USP10: variants seen among roughly 807,000 people sequenced by gnomAD.
USP10 encodes the protein ubiquitin specific peptidase 10, also known as ubiquitin carboxyl-terminal hydrolase 10.
Under a neutral mutation model 84.5 loss-of-function variants are expected in USP10, and 22 were observed. That is an observed-to-expected ratio of 0.26 (90% CI 0.19 to 0.37). The LOEUF is 0.37. USP10 is among the 10% of genes least tolerant of loss of function. USP10 has a pLI of 1.00. For missense variants in USP10, 1,019 were observed against 998.9 expected, an observed-to-expected ratio of 1.02 and a Z score of -0.27; for synonymous variants, 454 against 387.6, an observed-to-expected ratio of 1.17 and a Z score of -2.01.
At chr16:84,730,425 A>G (rs1230589543) in intron 1 of USP10, among the ~76,000 whole-genome samples, 2 of 152,206 alleles carry the variant, frequency 1.3e-5, no homozygotes, top group Non-Finnish European at 2.9e-5. Context: ...GAAATTATTG[A>G]CATGAAGTTA....
chr16:84,754,292 A>T (rs1333289947), intron 4 of USP10, among the ~76,000 whole-genome samples: 2 of 152,180 alleles, frequency 1.3e-5, no homozygotes, highest in African/African-American at 4.8e-5. Flanking sequence ...TTGCCACTAG[A>T]TAAAATTTTT....
intron 1 of USP10, among the ~76,000 whole-genome samples, chr16:84,707,045 C>T (rs1339370647): frequency 6.6e-6 from 1 of 152,172 alleles, no homozygotes; most frequent in African/African-American, 2.4e-5. Flanking sequence ...ATTATTATAA[C>T]CATTTTACAG....
In USP10 at chr16:84,763,965, G is replaced by T. The variant is rs1172232976; in HGVS notation, c.1655-121G>T. Reference sequence around the variant, plus strand: ...GCTCCTGTTGCGATTGGTTGCCGTGGCTCCTAATGTAGACCACACCCTGAT... The same window carrying T: ...GCTCCTGTTGCGATTGGTTGCCGTGTCTCCTAATGTAGACCACACCCTGAT... On this transcript the variant is annotated intron_variant, in intron 9 of 13. Coordinates refer to ENST00000219473, the MANE Select transcript of USP10 (RefSeq NM_005153.3). 3 of 1,272,094 alleles carry T rather than the reference G, an allele frequency of 2.4e-6. No individual in the cohort carries two copies. In the Admixed American group the frequency reaches 8.7e-5, roughly 37 times the overall value. 78.8% of individuals were successfully genotyped at this position (1,272,094 alleles called of 1,614,324 possible).
intron 13 of USP10, among the ~76,000 whole-genome samples, chr16:84,778,649 G>A (rs1388340461): frequency 3.9e-5 from 6 of 152,136 alleles, no homozygotes; most frequent in African/African-American, 7.2e-5. Context: ...GTTAATATGC[G>A]TACATGCACA....
chr16:84,778,083 G>A lies in USP10; in HGVS notation c.2210-812G>A, dbSNP rs147474129. 8.4e-4 allele frequency among the ~76,000 whole-genome samples: 124 copies of A among 148,372 alleles called. 1 individual carries two copies. The East Asian group carries it at 0.024, about 28-fold the overall frequency. On this transcript the variant is annotated intron_variant, in intron 13 of 13. Transcript: ENST00000219473. Reference sequence around the variant, plus strand: ...CTTGGTTATAGGATTTTTTTTTTAAGTAAATAACTGTGTGTGTGTGTGTGT... The same window carrying A: ...CTTGGTTATAGGATTTTTTTTTTAAATAAATAACTGTGTGTGTGTGTGTGT...
intron 2 of USP10, among the ~76,000 whole-genome samples, chr16:84,734,993 C>G (rs1030785898): frequency 5.9e-5 from 9 of 152,074 alleles, no homozygotes; most frequent in African/African-American, 2.2e-4. Context: ...TGTATAAACA[C>G]CACACGTTTT....
chr16:84,742,561 T>G (rs1437070282), intron 3 of USP10, among the ~76,000 whole-genome samples: 1 of 152,180 alleles, frequency 6.6e-6, no homozygotes, highest in Non-Finnish European at 1.5e-5. Flanking sequence ...GTGTTAGGAT[T>G]CGTGGTTTTA....
intron 1 of USP10, among the ~76,000 whole-genome samples, chr16:84,723,268 G>T (rs1445152851): frequency 6.6e-6 from 1 of 152,032 alleles, no homozygotes; most frequent in African/African-American, 2.4e-5. Context: ...GTCAAAATAG[G>T]TGTTCCTTTA....
At chr16:84,740,497 A>T (rs1465159443) in intron 3 of USP10, 128 bp downstream of exon 3, 3 of 742,124 alleles carry the variant, frequency 4.0e-6, no homozygotes, top group Non-Finnish European at 6.7e-6. Flanking sequence ...TTTGCTGTAA[A>T]CTGTAATGTA....
intron 1 of USP10, among the ~76,000 whole-genome samples, chr16:84,720,879 G>A (rs374787833): frequency 2.7e-5 from 4 of 148,144 alleles, no homozygotes; most frequent in African/African-American, 1.0e-4. Context: ...ACCGCGCCCG[G>A]CCAATGATGC....
intron 1 of USP10, among the ~76,000 whole-genome samples, chr16:84,701,545 G>A (rs975633742): frequency 6.6e-6 from 1 of 152,100 alleles, no homozygotes; most frequent in Non-Finnish European, 1.5e-5. Context: ...ATTAGAATTG[G>A]TATGAACAAG....
intron 2 of USP10, among the ~76,000 whole-genome samples, chr16:84,739,909 G>A (rs1201652874): frequency 6.6e-6 from 1 of 152,234 alleles, no homozygotes; most frequent in African/African-American, 2.4e-5. Flanking sequence ...TCGTGAATAA[G>A]AGGTGCAGTC....
At chr16:84,774,793 C>T (rs995977985) in intron 12 of USP10, among the ~76,000 whole-genome samples, 5 of 152,282 alleles carry the variant, frequency 3.3e-5, no homozygotes, top group Non-Finnish European at 5.9e-5. Context: ...TATGATCTGA[C>T]GCATATGTAA....
chr16:84,769,383 A>G (rs1047243635), intron 11 of USP10, among the ~76,000 whole-genome samples: 3 of 152,290 alleles, frequency 2.0e-5, no homozygotes, highest in South Asian at 4.1e-4. Flanking sequence ...GTTATGCCTA[A>G]TCTTCTACCG....
chr16:84,775,090 G>A, intron 12 of USP10, 70 bp from the exon 13 acceptor site: 2 of 1,350,408 alleles, frequency 1.5e-6, no homozygotes, highest in Non-Finnish European at 2.1e-6. Flanking sequence ...AATGTTGTTA[G>A]CCATTTTCTG....
chr16:84,758,200 A>G (rs1912806143), intron 4 of USP10, among the ~76,000 whole-genome samples: 2 of 152,208 alleles, frequency 1.3e-5, no homozygotes, highest in African/African-American at 2.4e-5. Context: ...TGTCTCTGAA[A>G]GGAGTATTTT....
At chr16:84,738,517 C>T (rs749396198) in intron 2 of USP10, among the ~76,000 whole-genome samples, 1 of 152,180 alleles carries the variant, frequency 6.6e-6, no homozygotes, top group Non-Finnish European at 1.5e-5. Flanking sequence ...TATAGACCCA[C>T]CTCTCTGCTC....
At chr16:84,749,716 G>A (rs989458375) in intron 4 of USP10, among the ~76,000 whole-genome samples, 14 of 152,048 alleles carry the variant, frequency 9.2e-5, no homozygotes, top group Admixed American at 2.6e-4. Flanking sequence ...TAGTTTTTAT[G>A]CCATCAGAAG....
intron 4 of USP10, among the ~76,000 whole-genome samples, chr16:84,751,246 A>G (rs570704124): frequency 6.6e-6 from 1 of 152,370 alleles, no homozygotes; most frequent in East Asian, 1.9e-4. Flanking sequence ...CCATCTAGGC[A>G]TGTGATCCCA....
Sources: allele counts gnomAD v4.1 joint callset (sites outside exome capture counted in the v4.1 genomes callset), GRCh38; gene constraint gnomAD v4.1.1; transcripts MANE v1.5; gene names NCBI Gene and HGNC (gene_info 2026-07-23, HGNC 2026-07-21).